RBFOX3: variants seen among roughly 807,000 people sequenced by gnomAD.
RBFOX3 encodes the protein RNA binding protein fox-1 homolog 3.
Under a neutral mutation model 48.7 loss-of-function variants are expected in RBFOX3, and 17 were observed. The observed-to-expected ratio is 0.35, with a 90% CI of 0.24 to 0.52. The LOEUF is 0.52. RBFOX3 is among the 20% of genes least tolerant of loss of function. The pLI is 0.94. For synonymous variants in RBFOX3, 212 were observed against 209.5 expected, an observed-to-expected ratio of 1.01 and a Z score of -0.10; for missense variants, 382 against 497.5, an observed-to-expected ratio of 0.77 and a Z score of 2.21.
chr17:79,321,705 CTTT>C (rs55633027), intron 2 of RBFOX3, among the ~76,000 whole-genome samples: 8 of 134,122 alleles, frequency 6.0e-5, no homozygotes, highest in South Asian at 2.4e-4. Context: ...AGGAATCTGG[CTTT>C]TTTTTTTTTT....
chr17:79,446,543 C>T (rs113589708), intron 2 of RBFOX3, among the ~76,000 whole-genome samples: 6 of 152,208 alleles, frequency 3.9e-5, no homozygotes, highest in South Asian at 4.1e-4. Flanking sequence ...TGCCCACTAG[C>T]GTGCCATGTT....
chr17:79,422,676 C>T (rs1555723252), intron 2 of RBFOX3, among the ~76,000 whole-genome samples: 2 of 133,580 alleles, frequency 1.5e-5, no homozygotes, highest in East Asian at 4.7e-4. Flanking sequence ...GGCGCAGTGG[C>T]GGGAACCCGG....
At chr17:79,640,328 T>C in the RBFOX3 span, among the ~76,000 whole-genome samples, 1 of 152,250 alleles carries the variant, frequency 6.6e-6, no homozygotes. Context: ...TGAAAGGACA[T>C]CCTGTGTTCA....
At chr17:79,609,114 C>T (rs1199999572) in intron 1 of RBFOX3, among the ~76,000 whole-genome samples, 2 of 152,258 alleles carry the variant, frequency 1.3e-5, no homozygotes, top group Non-Finnish European at 1.5e-5. Context: ...CCGTGAACAA[C>T]GCAGCCTAAT....
At position 79,436,164 on chromosome 17, in the gene RBFOX3, G is replaced by A. The variant is rs544177436; in HGVS notation, c.-175+46290C>T. On this transcript the variant is annotated intron_variant, in intron 2 of 14. Coordinates refer to ENST00000693108, the MANE Select transcript of RBFOX3 (RefSeq NM_001350451.2). ...AGCAAACACCCCCGGGTAGGCAGCC[G>A]CTGGGCATCTGCTGTGAGTGGGCAC... is the stretch of plus-strand genomic sequence containing the variant. Among the ~76,000 whole-genome samples the A allele has an allele frequency of 1.1e-4, 17 of 152,338 alleles. No individual in the cohort carries two copies. The South Asian group carries it at 2.9e-3, about 26-fold the overall frequency.
chr17:79,432,544 T>TA (rs145381112), intron 2 of RBFOX3, among the ~76,000 whole-genome samples: 8 of 151,652 alleles, frequency 5.3e-5, no homozygotes, highest in Middle Eastern at 3.4e-3. Flanking sequence ...CCTGTTTCGT[T>TA]AAAAAAAAAT....
intron 1 of RBFOX3, among the ~76,000 whole-genome samples, chr17:79,585,653 A>T (rs2093226126): frequency 6.6e-6 from 1 of 152,202 alleles, no homozygotes. Flanking sequence ...ATGAGCTGGC[A>T]CTTGGGTATT....
At chr17:79,620,177 A>G in the RBFOX3 span, among the ~76,000 whole-genome samples, 2 of 132,466 alleles carry the variant, frequency 1.5e-5, no homozygotes, top group East Asian at 8.0e-4. Flanking sequence ...ACACACATGC[A>G]CACACATGTG....
chr17:79,579,377 A>G (rs2092970275), intron 1 of RBFOX3, among the ~76,000 whole-genome samples: 2 of 152,226 alleles, frequency 1.3e-5, no homozygotes, highest in Non-Finnish European at 1.5e-5. Flanking sequence ...TTTGCTCCCC[A>G]AAACCAAGAA....
intron 2 of RBFOX3, among the ~76,000 whole-genome samples, chr17:79,330,729 T>TG (rs1269928377): frequency 2.6e-5 from 4 of 152,108 alleles, no homozygotes; most frequent in African/African-American, 9.7e-5. Flanking sequence ...GGGCTGTGCC[T>TG]GGGGGGTCTT....
the RBFOX3 span, among the ~76,000 whole-genome samples, chr17:79,624,082 G>A: frequency 4.6e-5 from 7 of 152,130 alleles, no homozygotes; most frequent in South Asian, 2.1e-4. Flanking sequence ...GGCCAGTGTC[G>A]GACTTCTGAC....
chr17:79,292,599 C>T (rs1004082214), intron 3 of RBFOX3, among the ~76,000 whole-genome samples: 6 of 114,844 alleles, frequency 5.2e-5, no homozygotes, highest in East Asian at 2.7e-4. Flanking sequence ...CACACACACA[C>T]GCACACACAC....
chr17:79,125,748 G>A (rs563557671), intron 4 of RBFOX3, among the ~76,000 whole-genome samples: 7 of 152,246 alleles, frequency 4.6e-5, no homozygotes, highest in African/African-American at 7.2e-5. Flanking sequence ...GCCCTGGGCC[G>A]GCGGGGCAGG....
At chr17:79,213,171 T>C (rs2058599018) in intron 4 of RBFOX3, among the ~76,000 whole-genome samples, 1 of 152,116 alleles carries the variant, frequency 6.6e-6, no homozygotes, top group Non-Finnish European at 1.5e-5. Context: ...CATGAATATT[T>C]TAATGACAAT....
rs541167189 is a variant in RBFOX3, at chr17:79,534,691, C to A, written c.-319-52093G>T. ...GCCATTGCCGTGCCAGCCCCAAGACCCACCGTGACCTAACAGCGGTGTCTG... is the reference window on the plus strand; with the variant it reads ...GCCATTGCCGTGCCAGCCCCAAGACACACCGTGACCTAACAGCGGTGTCTG... On this transcript the variant is annotated intron_variant, in intron 1 of 14. Coordinates refer to ENST00000693108, the MANE Select transcript of RBFOX3 (RefSeq NM_001350451.2). 1.1e-4 allele frequency among the ~76,000 whole-genome samples: 17 copies of A among 152,294 alleles called. No individual in the cohort carries two copies. The South Asian group carries it at 3.1e-3, about 28-fold the overall frequency.
At position 79,218,733 on chromosome 17, in the gene RBFOX3, T is replaced by C. The variant is rs549237273; in HGVS notation, c.-34+17033A>G. Among the ~76,000 whole-genome samples, 7 of 152,164 alleles carry C rather than the reference T, an allele frequency of 4.6e-5. No individual in the cohort carries two copies. The East Asian group carries it at 7.8e-4, about 17-fold the overall frequency. ...GGCTCAGGGAATGTCTTTGGGGAAG[T>C]GGTCGCTGAGGCTGGCCTTGAAGAA... is the stretch of plus-strand genomic sequence containing the variant. On this transcript the variant is annotated intron_variant, in intron 4 of 14. Coordinates refer to ENST00000693108, the MANE Select transcript of RBFOX3 (RefSeq NM_001350451.2).
chr17:79,144,332 G>A (rs1007166761), intron 4 of RBFOX3, among the ~76,000 whole-genome samples: 21 of 152,254 alleles, frequency 1.4e-4, no homozygotes, highest in African/African-American at 4.8e-4. Context: ...AGATTTTGCA[G>A]GACGGCCACG....
At chr17:79,274,455 A>G (rs373185472) in intron 3 of RBFOX3, among the ~76,000 whole-genome samples, 2 of 152,174 alleles carry the variant, frequency 1.3e-5, no homozygotes, top group African/African-American at 4.8e-5. Context: ...TCTTCTCTGC[A>G]CTCAGGCGCG....
intron 3 of RBFOX3, among the ~76,000 whole-genome samples, chr17:79,251,369 T>C (rs956494617): frequency 6.6e-6 from 1 of 152,062 alleles, no homozygotes; most frequent in Admixed American, 6.5e-5. Flanking sequence ...CCGCTGCCCC[T>C]CCCAGTATAG....
Sources: gnomAD v4.1 joint callset for allele counts (sites outside exome capture counted in the v4.1 genomes callset) on GRCh38, gnomAD v4.1.1 for gene constraint, MANE v1.5 for transcripts, NCBI Gene and HGNC (gene_info 2026-07-23, HGNC 2026-07-21) for gene names.